The following OSBPL10 variants were observed in gnomAD, a reference collection of about 807,000 sequenced individuals.
OSBPL10 encodes the protein oxysterol binding protein like 10, also known as oxysterol-binding protein-related protein 10.
A neutral mutation model predicts 81.7 loss-of-function variants in OSBPL10; 49 were observed. The ratio of observed to expected loss-of-function variants is 0.60; its 90% CI spans 0.48 to 0.76. The LOEUF (loss-of-function observed/expected upper bound fraction) is 0.76. Ranked by LOEUF, OSBPL10 falls within the 30% of genes least tolerant of loss-of-function variation. The pLI, the probability that OSBPL10 is intolerant of heterozygous loss-of-function variation, is 0.00. For missense variants in OSBPL10, 923 were observed against 987.8 expected (o/e 0.93, Z 0.88); for synonymous variants, 419 against 383.6 (o/e 1.09, Z -1.08).
intron 4 of OSBPL10, among the ~76,000 whole-genome samples, chr3:31,789,877 C>T (rs906342880): frequency 3.3e-5 from 5 of 152,132 alleles, no homozygotes; most frequent in African/African-American, 7.2e-5. Context: ...ATGGTGTATA[C>T]ATTTGCAACT....
chr3:31,693,357 G>A (rs1334290637), intron 7 of OSBPL10, among the ~76,000 whole-genome samples: 1 of 152,234 alleles, frequency 6.6e-6, no homozygotes, highest in East Asian at 1.9e-4. Flanking sequence ...GAAAAAGGCT[G>A]TATGCCTAAG....
At chr3:31,938,698 C>A (rs979223596) in intron 1 of OSBPL10, among the ~76,000 whole-genome samples, 1 of 152,002 alleles carries the variant, frequency 6.6e-6, no homozygotes, top group Admixed American at 6.5e-5. Flanking sequence ...TTTCACTATG[C>A]TGCCCAGGCT....
intron 4 of OSBPL10, among the ~76,000 whole-genome samples, chr3:31,811,746 T>C (rs1699686685): frequency 6.6e-6 from 1 of 152,144 alleles, no homozygotes; most frequent in African/African-American, 2.4e-5. Context: ...TTAACAAATA[T>C]GTGCCCATTC....
At chr3:31,859,803 G>A (rs1160230454) in intron 3 of OSBPL10, among the ~76,000 whole-genome samples, 1 of 152,158 alleles carries the variant, frequency 6.6e-6, no homozygotes, top group East Asian at 1.9e-4. Flanking sequence ...CAGAATCCTT[G>A]AGGAATACAC....
intron 10 of OSBPL10, among the ~76,000 whole-genome samples, chr3:31,665,079 T>C (rs1482307911): frequency 1.3e-5 from 2 of 152,072 alleles, no homozygotes; most frequent in East Asian, 1.9e-4. Context: ...AAAAAGCACT[T>C]TGACAGTGGG....
chr3:32,026,636 C>T (rs1026055631), intron 2 of OSBPL10, among the ~76,000 whole-genome samples: 1 of 152,176 alleles, frequency 6.6e-6, no homozygotes, highest in African/African-American at 2.4e-5. Context: ...AAAACCCTAC[C>T]GTTAATATCT....
chr3:31,758,474 G>A (rs1697948807), intron 4 of OSBPL10, among the ~76,000 whole-genome samples: 1 of 152,060 alleles, frequency 6.6e-6, no homozygotes, highest in Non-Finnish European at 1.5e-5. Context: ...CTTCCCTAAG[G>A]GCTAAACAGA....
In OSBPL10 at chr3:32,065,898, CAGAAAGAGAGAGAAAGAAGGA is replaced by C. The variant is rs1290905727; in HGVS notation, n.185+11477_185+11497del. ...GAGCAAGAGAAGAGAGAAAGAGAGA[CAGAAAGAGAGAGAAAGAAGGA>C]AGAAAGAAAGAAGGAAAGAAGAAAG... is the stretch of plus-strand genomic sequence containing the variant. On this transcript the variant is annotated intron_variant and non_coding_transcript_variant, in intron 1 of 3. Coordinates refer to the OSBPL10 transcript ENST00000479173. Among the ~76,000 whole-genome samples the C allele has an allele frequency of 9.4e-5, 5 of 53,248 alleles. 1 individual carries two copies. The highest frequency in any genetic ancestry group is 2.4e-4 in the African/African-American group (5 of 20,838). 34.9% of individuals were successfully genotyped at this position (53,248 alleles called of 152,430 possible).
At chr3:31,946,849 G>A (rs1387242432) in intron 1 of OSBPL10, among the ~76,000 whole-genome samples, 1 of 146,284 alleles carries the variant, frequency 6.8e-6, no homozygotes, top group Non-Finnish European at 1.5e-5. Flanking sequence ...GTGTTGAGGT[G>A]CCTAGAAGAA....
chr3:31,836,326 C>T lies in OSBPL10; in HGVS notation c.538-6095G>A, dbSNP rs186930327. The stretch of plus-strand genomic sequence containing the variant: ...GCAAATGTGTGTGCAAATGAAAAAT[C>T]GTGGTTCTTCCAGAGACGAAGTCTC... On this transcript the variant is annotated intron_variant, in intron 3 of 11. Coordinates refer to ENST00000396556, the MANE Select transcript of OSBPL10 (RefSeq NM_017784.5). Among the ~76,000 whole-genome samples the T allele has an allele frequency of 1.5e-3, 221 of 152,302 alleles. 1 individual carries two copies. Among genetic ancestry groups the T allele is most frequent in the African/African-American group, 4.9e-3 (203 of 41,544 alleles).
intron 7 of OSBPL10, among the ~76,000 whole-genome samples, chr3:31,698,186 A>C (rs1416814542): frequency 6.6e-6 from 1 of 151,892 alleles, no homozygotes; most frequent in Non-Finnish European, 1.5e-5. Flanking sequence ...ATGGTGGCTC[A>C]CGTCTGTAAT....
At chr3:31,946,919 A>C (rs1376915927) in intron 1 of OSBPL10, among the ~76,000 whole-genome samples, 1 of 152,200 alleles carries the variant, frequency 6.6e-6, no homozygotes, top group Non-Finnish European at 1.5e-5. Context: ...GACCAGATGC[A>C]AGGAGCATCG....
At chr3:31,794,582 G>A in intron 4 of OSBPL10, 2 of 366,064 alleles carry the variant, frequency 5.5e-6, no homozygotes, top group Non-Finnish European at 1.1e-5. Flanking sequence ...GTTCAGAGAT[G>A]CCTGTACTGT....
chr3:31,790,371 A>T (rs1325293632), intron 4 of OSBPL10, among the ~76,000 whole-genome samples: 4 of 152,224 alleles, frequency 2.6e-5, no homozygotes, highest in African/African-American at 9.6e-5. Flanking sequence ...TTAAAAGACC[A>T]TTTGTGTGTG....
chr3:32,043,865 A>G (rs1368002196), intron 2 of OSBPL10, among the ~76,000 whole-genome samples: 2 of 151,160 alleles, frequency 1.3e-5, no homozygotes, highest in African/African-American at 2.4e-5. Context: ...AACATTGGGT[A>G]CTCACGGACA....
intron 7 of OSBPL10, among the ~76,000 whole-genome samples, chr3:31,696,648 T>G (rs1446371753): frequency 6.6e-6 from 1 of 152,248 alleles, no homozygotes; most frequent in Non-Finnish European, 1.5e-5. Flanking sequence ...TGAACCTTCT[T>G]CATCTCCTTT....
intron 3 of OSBPL10, among the ~76,000 whole-genome samples, chr3:31,840,067 C>G (rs1700455791): frequency 6.6e-6 from 1 of 151,272 alleles, no homozygotes; most frequent in South Asian, 2.1e-4. Context: ...ATTCTATGCT[C>G]TATTTCTTCT....
At chr3:31,988,974 G>T in intron 2 of OSBPL10, 2 of 1,472,718 alleles carry the variant, frequency 1.4e-6, no homozygotes, top group Non-Finnish European at 1.8e-6. Context: ...CTTAAGCCAC[G>T]AAGTTTGTGA....
intron 3 of OSBPL10, among the ~76,000 whole-genome samples, chr3:31,830,819 C>G (rs1410783456): frequency 1.3e-5 from 2 of 152,182 alleles, no homozygotes; most frequent in Non-Finnish European, 2.9e-5. Context: ...TCTATATGCA[C>G]GAACTAAGCT....
Sources: allele counts gnomAD v4.1 joint callset (sites outside exome capture counted in the v4.1 genomes callset), GRCh38; gene constraint gnomAD v4.1.1; transcripts MANE v1.5; gene names NCBI Gene and HGNC (gene_info 2026-07-23, HGNC 2026-07-21).